NEBL: variants seen among roughly 807,000 people sequenced by gnomAD.
The protein encoded by NEBL is LIM and SH3 protein 2.
A neutral mutation model predicts 140.2 loss-of-function variants in NEBL; 122 were observed. That is an observed-to-expected ratio of 0.87 (90% CI 0.75 to 1.01). The LOEUF (loss-of-function observed/expected upper bound fraction) is 1.01. NEBL is among the 50% of genes least tolerant of loss of function. The pLI is 0.00. For synonymous variants in NEBL, 436 were observed against 398.9 expected (o/e 1.09, Z -1.11); for missense variants, 1,365 against 1,231.3 (o/e 1.11, Z -1.62).
At chr10:21,261,845 C>T (rs1023622510) in intron 1 of NEBL, among the ~76,000 whole-genome samples, 2 of 152,082 alleles carry the variant, frequency 1.3e-5, no homozygotes, top group Non-Finnish European at 2.9e-5. Flanking sequence ...CTCACATGCA[C>T]CAAAACAGCC....
intron 3 of NEBL, among the ~76,000 whole-genome samples, chr10:21,206,050 G>A (rs1212114687): frequency 6.6e-6 from 1 of 152,174 alleles, no homozygotes; most frequent in Non-Finnish European, 1.5e-5. Context: ...AGTACTAAAA[G>A]TACAAACCTA....
intron 4 of NEBL, among the ~76,000 whole-genome samples, chr10:20,916,897 A>T (rs561715171): frequency 1.3e-5 from 2 of 152,334 alleles, no homozygotes; most frequent in South Asian, 4.1e-4. Flanking sequence ...AAAAAGTTAG[A>T]CTTTTTAGAA....
chr10:20,870,976 G>A (rs977461344), intron 5 of NEBL, among the ~76,000 whole-genome samples: 36 of 152,160 alleles, frequency 2.4e-4, no homozygotes, highest in African/African-American at 6.3e-4. Flanking sequence ...TATTTCTTGC[G>A]ATTTGTCTTG....
intron 2 of NEBL, among the ~76,000 whole-genome samples, chr10:21,248,950 C>T (rs996617532): frequency 6.6e-6 from 1 of 151,908 alleles, no homozygotes; most frequent in African/African-American, 2.4e-5. Context: ...TTTCATTGTG[C>T]TTATTAACCA....
intron 2 of NEBL, among the ~76,000 whole-genome samples, chr10:21,157,266 T>C (rs535200139): frequency 2.6e-5 from 4 of 152,282 alleles, no homozygotes; most frequent in African/African-American, 7.2e-5. Context: ...GTCATTGATA[T>C]ACAAAAAATT....
chr10:21,246,304 G>C (rs1346461531), intron 3 of NEBL, among the ~76,000 whole-genome samples: 1 of 152,244 alleles, frequency 6.6e-6, no homozygotes, highest in Non-Finnish European at 1.5e-5. Flanking sequence ...CCTCTGGGCA[G>C]TTCTTACAAT....
At chr10:21,131,009 A>T (rs1839078775) in intron 2 of NEBL, among the ~76,000 whole-genome samples, 1 of 152,148 alleles carries the variant, frequency 6.6e-6, no homozygotes, top group African/African-American at 2.4e-5. Flanking sequence ...AGGTTAAGAA[A>T]AAAAGAGAGC....
chr10:21,138,262 A>G (rs886502199), intron 2 of NEBL, among the ~76,000 whole-genome samples: 1 of 152,166 alleles, frequency 6.6e-6, no homozygotes, highest in African/African-American at 2.4e-5. Context: ...TTCCAAGATC[A>G]AGGAGAAACA....
At chr10:21,207,947 C>T (rs1841855544) in intron 3 of NEBL, among the ~76,000 whole-genome samples, 2 of 152,188 alleles carry the variant, frequency 1.3e-5, no homozygotes, top group Admixed American at 6.5e-5. Context: ...AAGAATCCAG[C>T]GTCTCAGTGG....
intron 1 of NEBL, among the ~76,000 whole-genome samples, chr10:21,264,696 TAAAAAAAAAAA>T (rs71392177): frequency 2.2e-3 from 68 of 30,720 alleles, no homozygotes; most frequent in African/African-American, 5.5e-3. Context: ...AGTTGCTATT[TAAAAAAAAAAA>T]AAAAAAAAAA....
In NEBL at chr10:20,831,177, AT is replaced by A; in HGVS notation, c.1671+18del. The A allele has an allele frequency of 6.6e-7, 1 of 1,519,622 alleles. No homozygotes were observed. The highest frequency in any genetic ancestry group is 1.4e-5 in the African/African-American group (1 of 72,966). The allele number at this position is 1,519,622 out of a possible 1,614,324, so 94.1% of individuals were successfully genotyped here. On this transcript the variant is annotated intron_variant, in intron 16 of 27. Transcript: ENST00000377122. The stretch of plus-strand genomic sequence containing the variant: ...GACATTGGAATACACGATTCTGAGC[AT>A]CTTCATTCATGACCAACCTGGCTAT...
At chr10:20,951,963 C>T (rs1835493495) in intron 4 of NEBL, among the ~76,000 whole-genome samples, 1 of 152,134 alleles carries the variant, frequency 6.6e-6, no homozygotes, top group South Asian at 2.1e-4. Context: ...CTCTGCCCTC[C>T]TTTTTATTCA....
At chr10:21,123,843 C>A (rs1451182826) in intron 2 of NEBL, among the ~76,000 whole-genome samples, 1 of 150,660 alleles carries the variant, frequency 6.6e-6, no homozygotes, top group Non-Finnish European at 1.5e-5. Context: ...ATGTATATCT[C>A]CAACCAATCT....
intron 2 of NEBL, among the ~76,000 whole-genome samples, chr10:21,155,492 G>C (rs1344791044): frequency 6.6e-6 from 1 of 152,110 alleles, no homozygotes. Flanking sequence ...GAGTCCAGCT[G>C]TTTGGATTTT....
At chr10:21,045,673 G>A (rs1447793593) in intron 2 of NEBL, among the ~76,000 whole-genome samples, 2 of 152,150 alleles carry the variant, frequency 1.3e-5, no homozygotes, top group East Asian at 1.9e-4. Flanking sequence ...ATGGAAAATC[G>A]CCTCACACTT....
At chr10:21,285,441 C>T (rs546889283) in intron 1 of NEBL, among the ~76,000 whole-genome samples, 1 of 152,324 alleles carries the variant, frequency 6.6e-6, no homozygotes, top group African/African-American at 2.4e-5. Flanking sequence ...GGAAGCCCTT[C>T]CCCATCTTCC....
At chr10:21,187,471 T>C (rs1841494673) in intron 3 of NEBL, among the ~76,000 whole-genome samples, 2 of 151,636 alleles carry the variant, frequency 1.3e-5, no homozygotes, top group Admixed American at 6.6e-5. Flanking sequence ...ATCTTGGCTT[T>C]TTGAATTTAT....
At chr10:21,061,321 A>G (rs10828182) in intron 2 of NEBL, among the ~76,000 whole-genome samples, 86,930 of 126,084 alleles carry the variant, frequency 0.69, 28,718 homozygotes, top group Non-Finnish European at 0.78. Flanking sequence ...TATGTAATAT[A>G]TTACATATTA....
intron 2 of NEBL, among the ~76,000 whole-genome samples, chr10:21,036,567 A>C (rs1334789210): frequency 6.6e-6 from 1 of 152,180 alleles, no homozygotes; most frequent in African/African-American, 2.4e-5. Flanking sequence ...AAAACAAAAC[A>C]GCCAATGATA....
Sources: gnomAD v4.1 joint callset for allele counts (sites outside exome capture counted in the v4.1 genomes callset) on GRCh38, gnomAD v4.1.1 for gene constraint, MANE v1.5 for transcripts, NCBI Gene and HGNC (gene_info 2026-07-23, HGNC 2026-07-21) for gene names.